Variants in NNMT observed in about 807,000 individuals in gnomAD.
NNMT encodes nicotinamide N-methyltransferase.
Under a neutral mutation model 11.7 loss-of-function variants are expected in NNMT, and 10 were observed. That is an observed-to-expected ratio of 0.85 (90% CI 0.53 to 1.45). The LOEUF is 1.45. Ranked by LOEUF, NNMT falls within the 40% of genes most tolerant of loss-of-function variation. NNMT has a pLI of 0.00. For missense variants in NNMT, 381 were observed against 319.4 expected, an observed-to-expected ratio of 1.19 and a Z score of -1.47; for synonymous variants, 143 against 133.8, an observed-to-expected ratio of 1.07 and a Z score of -0.48.
intron 2 of NNMT, among the ~76,000 whole-genome samples, chr11:114,304,485 T>G (rs564095700): frequency 6.6e-6 from 1 of 152,344 alleles, no homozygotes; most frequent in African/African-American, 2.4e-5. Context: ...TGCTAGATCC[T>G]GTGGCTTTAA....
intron 2 of NNMT, among the ~76,000 whole-genome samples, chr11:114,300,566 A>G (rs1945428754): frequency 6.7e-6 from 1 of 149,380 alleles, no homozygotes; most frequent in African/African-American, 2.5e-5. Context: ...CAAATTTTCT[A>G]CATCCTTACT....
intron 2 of NNMT, among the ~76,000 whole-genome samples, chr11:114,284,687 C>T (rs1014511008): frequency 6.6e-6 from 1 of 150,942 alleles, no homozygotes; most frequent in African/African-American, 2.4e-5. Context: ...TGGTCTCGAT[C>T]TCCTGACCTT....
intron 2 of NNMT, among the ~76,000 whole-genome samples, chr11:114,280,346 T>C (rs1387092807): frequency 6.6e-6 from 1 of 151,824 alleles, no homozygotes. Context: ...CACAGCCAGA[T>C]GGTGGTGTGT....
chr11:114,276,079 C>G (rs910092715), intron 2 of NNMT, among the ~76,000 whole-genome samples: 2 of 152,116 alleles, frequency 1.3e-5, no homozygotes, highest in African/African-American at 2.4e-5. Context: ...TGGCCGACTG[C>G]CTCGTTTTCT....
chr11:114,296,844 A>G, intron 1 of NNMT, 134 bp downstream of exon 1: 1 of 832,760 alleles, frequency 1.2e-6, no homozygotes, highest in Non-Finnish European at 1.9e-6. Context: ...AACTAGGATA[A>G]AAACGAATAT....
chr11:114,271,082 T>A (rs1476519678), intron 2 of NNMT, among the ~76,000 whole-genome samples: 4 of 152,278 alleles, frequency 2.6e-5, no homozygotes, highest in Middle Eastern at 3.4e-3. Context: ...CGGCTCCGAA[T>A]GACCTTTGTA....
intron 2 of NNMT, among the ~76,000 whole-genome samples, chr11:114,309,383 GA>G (rs1299010952): frequency 6.6e-6 from 1 of 152,158 alleles, no homozygotes; most frequent in Non-Finnish European, 1.5e-5. Flanking sequence ...CTGCAAGGGG[GA>G]CTTAGAATAT....
upstream of NNMT, among the ~76,000 whole-genome samples, chr11:114,294,792 A>G (rs968337733): frequency 3.9e-5 from 6 of 152,214 alleles, no homozygotes; most frequent in African/African-American, 1.4e-4. Flanking sequence ...AGAGGGAGAA[A>G]AGAAAAAAGA....
chr11:114,288,138 C>A (rs1945311379), intron 2 of NNMT, among the ~76,000 whole-genome samples: 1 of 152,052 alleles, frequency 6.6e-6, no homozygotes, highest in South Asian at 2.1e-4. Context: ...ATTTTTCATT[C>A]TCTCTCTATA....
intron 2 of NNMT, among the ~76,000 whole-genome samples, chr11:114,302,174 AT>A (rs2135276353): frequency 6.6e-6 from 1 of 152,284 alleles, no homozygotes; most frequent in Admixed American, 6.5e-5. Context: ...ACAGGGTTGA[AT>A]TTAAATCTAC....
chr11:114,272,416 G>A (rs1369619353), intron 2 of NNMT, among the ~76,000 whole-genome samples: 1 of 152,132 alleles, frequency 6.6e-6, no homozygotes, highest in African/African-American at 2.4e-5. Flanking sequence ...CAACCCTGGG[G>A]CAGGGTTAGA....
At chr11:114,288,013 G>A (rs545814085) in intron 2 of NNMT, among the ~76,000 whole-genome samples, 2 of 152,156 alleles carry the variant, frequency 1.3e-5, no homozygotes, top group African/African-American at 4.8e-5. Context: ...GGCAATGTCT[G>A]TTTTAAATTT....
intron 2 of NNMT, among the ~76,000 whole-genome samples, chr11:114,266,482 C>A (rs1945120440): frequency 6.6e-6 from 1 of 152,172 alleles, no homozygotes; most frequent in Non-Finnish European, 1.5e-5. Flanking sequence ...GTTTCCAGAA[C>A]AGGACAGGCC....
At chr11:114,303,015 T>A (rs1945452836) in intron 2 of NNMT, among the ~76,000 whole-genome samples, 1 of 152,308 alleles carries the variant, frequency 6.6e-6, no homozygotes, top group East Asian at 1.9e-4. Context: ...GGAAATAAAT[T>A]TCTGTTGTTT....
intron 2 of NNMT, among the ~76,000 whole-genome samples, chr11:114,308,416 A>G (rs1482400678): frequency 6.6e-6 from 1 of 152,158 alleles, no homozygotes; most frequent in African/African-American, 2.4e-5. Context: ...ACAGGGCAGG[A>G]GGAACCGCCT....
chr11:114,306,159 G>A (rs977430253), intron 2 of NNMT, among the ~76,000 whole-genome samples: 1 of 152,192 alleles, frequency 6.6e-6, no homozygotes, highest in Non-Finnish European at 1.5e-5. Context: ...TTTGAGAAGT[G>A]TCTGTTCATA....
At chr11:114,266,061 CT>C (rs1234025214) in intron 2 of NNMT, among the ~76,000 whole-genome samples, 2 of 152,138 alleles carry the variant, frequency 1.3e-5, no homozygotes, top group Admixed American at 6.5e-5. Context: ...AAGCAGGTAG[CT>C]TTCCTATATC....
In NNMT at chr11:114,261,998, C is replaced by T. The variant is rs1565717226; in HGVS notation, c.-216-850C>T. Among the ~76,000 whole-genome samples, 5 of 152,028 alleles carry T rather than the reference C, an allele frequency of 3.3e-5. No homozygotes were observed. The South Asian group carries it at 1.0e-3, about 32-fold the overall frequency. On this transcript the variant is annotated intron_variant, in intron 1 of 4. Coordinates refer to the NNMT transcript ENST00000535401. The stretch of plus-strand genomic sequence containing the variant: ...AAGCAGGCAGGCCTCGAAGGGTTTG[C>T]AGAAGGAGCCCAGAGTGCCCCTAGG...
intron 2 of NNMT, among the ~76,000 whole-genome samples, chr11:114,278,001 A>G (rs1945227300): frequency 6.6e-6 from 1 of 152,260 alleles, no homozygotes; most frequent in South Asian, 2.1e-4. Context: ...CCCTTTACCC[A>G]TTACTAAAAG....
Sources: gnomAD v4.1 joint callset for allele counts (sites outside exome capture counted in the v4.1 genomes callset) on GRCh38, gnomAD v4.1.1 for gene constraint, MANE v1.5 for transcripts, NCBI Gene and HGNC (gene_info 2026-07-23, HGNC 2026-07-21) for gene names.